CDH7: variants seen among roughly 807,000 people sequenced by gnomAD.
CDH7 encodes the protein cadherin 7, also known as cadherin-7.
In CDH7, 25 loss-of-function variants were observed where a neutral mutation model predicts 71.8. The observed-to-expected ratio is 0.35, with a 90% CI of 0.25 to 0.49. The LOEUF is 0.49. Among genes scored for constraint, CDH7 ranks in the 20% least tolerant of loss-of-function variants. The probability of loss-of-function intolerance (pLI) is 0.99; values close to 1 mark genes in which losing one functional copy is unlikely to be tolerated. For synonymous variants in CDH7, 381 were observed against 363.8 expected (o/e 1.05, Z -0.54); for missense variants, 862 against 974.6 (o/e 0.88, Z 1.54).
At chr18:65,786,778 G>A (rs1272736148) in intron 2 of CDH7, among the ~76,000 whole-genome samples, 1 of 151,900 alleles carries the variant, frequency 6.6e-6, no homozygotes, top group African/African-American at 2.4e-5. Context: ...CAAATTCCTG[G>A]TCTCAAACAA....
intron 11 of CDH7, among the ~76,000 whole-genome samples, chr18:65,877,244 A>G (rs564836649): frequency 6.6e-6 from 1 of 152,286 alleles, no homozygotes; most frequent in South Asian, 2.1e-4. Flanking sequence ...ACTGCATAAC[A>G]CATTAATATC....
intron 3 of CDH7, 151 bp from the exon 4 acceptor site, chr18:65,814,334 A>G: frequency 1.3e-6 from 1 of 784,274 alleles, no homozygotes; most frequent in Admixed American, 2.2e-5. Flanking sequence ...GTTTACTTAA[A>G]AAAATACTGT....
chr18:65,768,673 C>T (rs931972635), intron 2 of CDH7, among the ~76,000 whole-genome samples: 1 of 152,080 alleles, frequency 6.6e-6, no homozygotes, highest in African/African-American at 2.4e-5. Context: ...TGCAGCCCTC[C>T]GTGACTCACC....
intron 1 of CDH7, among the ~76,000 whole-genome samples, chr18:65,751,497 C>T (rs1341417801): frequency 1.3e-5 from 2 of 152,152 alleles, no homozygotes; most frequent in Admixed American, 6.5e-5. Context: ...CAAAGAGGAC[C>T]ACAAGCAGGC....
intron 2 of CDH7, among the ~76,000 whole-genome samples, chr18:65,780,937 T>TC (rs1378788916): frequency 6.8e-6 from 1 of 146,158 alleles, no homozygotes; most frequent in African/African-American, 2.7e-5. Context: ...TTTTTTTTTT[T>TC]CGGAGAAAAT....
intron 1 of CDH7, among the ~76,000 whole-genome samples, chr18:65,762,146 T>A (rs1916208860): frequency 6.6e-6 from 1 of 152,210 alleles, no homozygotes; most frequent in Non-Finnish European, 1.5e-5. Flanking sequence ...CAGTTTTGCA[T>A]CACCTCATAC....
chr18:65,816,403 A>G (rs1377756952), intron 4 of CDH7, among the ~76,000 whole-genome samples: 2 of 152,168 alleles, frequency 1.3e-5, no homozygotes, highest in African/African-American at 4.8e-5. Context: ...ATCAAGGTTC[A>G]GTTAGTCTTG....
At chr18:65,840,637 T>TTCAC (rs1912697197) in intron 6 of CDH7, among the ~76,000 whole-genome samples, 1 of 152,092 alleles carries the variant, frequency 6.6e-6, no homozygotes, top group Admixed American at 6.6e-5. Flanking sequence ...AAGGGGGAGT[T>TTCAC]TCACTGCACA....
intron 2 of CDH7, among the ~76,000 whole-genome samples, chr18:65,804,124 A>G (rs1230545090): frequency 6.6e-6 from 1 of 152,102 alleles, no homozygotes; most frequent in African/African-American, 2.4e-5. Flanking sequence ...CTTTCATAAA[A>G]TTTCACCTTA....
intron 11 of CDH7, among the ~76,000 whole-genome samples, chr18:65,870,468 G>A (rs1015632518): frequency 4.6e-5 from 7 of 151,750 alleles, no homozygotes; most frequent in African/African-American, 9.7e-5. Flanking sequence ...ATTATTTTAC[G>A]TCTCTGCTTG....
At chr18:65,754,691 C>T (rs978574284) in intron 1 of CDH7, among the ~76,000 whole-genome samples, 1 of 152,100 alleles carries the variant, frequency 6.6e-6, no homozygotes, top group African/African-American at 2.4e-5. Flanking sequence ...ATGTCACCAA[C>T]CAAAAGGGTA....
intron 7 of CDH7, among the ~76,000 whole-genome samples, chr18:65,854,156 A>G (rs1913263221): frequency 1.3e-5 from 2 of 151,224 alleles, no homozygotes; most frequent in South Asian, 4.2e-4. Flanking sequence ...AAATACAAAA[A>G]TTAGCTTGGC....
At chr18:65,790,099 G>A (rs1387879464) in intron 2 of CDH7, among the ~76,000 whole-genome samples, 1 of 151,574 alleles carries the variant, frequency 6.6e-6, no homozygotes, top group African/African-American at 2.4e-5. Context: ...GCATGGTAGT[G>A]GGCGCCTGTA....
chr18:65,802,837 A>G (rs941673808), intron 2 of CDH7, among the ~76,000 whole-genome samples: 2 of 152,182 alleles, frequency 1.3e-5, no homozygotes, highest in Admixed American at 1.3e-4. Flanking sequence ...TGTGTGGAAT[A>G]AAGAATGCTT....
rs1555692661 is a variant in CDH7, at chr18:65,885,372, G to GTTTTTTTTCTTTTCTT, written c.*4486_*4487insCTTTTCTTTTTTTTTT. 1 of 69,436 alleles carries GTTTTTTTTCTTTTCTT rather than the reference G, an allele frequency of 1.4e-5. No homozygotes were observed. Among genetic ancestry groups the GTTTTTTTTCTTTTCTT allele is most frequent in the Non-Finnish European group, 2.7e-5 (1 of 37,390 alleles). 4.3% of individuals were successfully genotyped at this position (69,436 alleles called of 1,614,324 possible). On this transcript the variant is annotated 3_prime_UTR_variant, in exon 12 of 12. Coordinates refer to ENST00000397968, the MANE Select transcript of CDH7 (RefSeq NM_004361.5). ...GTAACTGAAAAGGATGTGTGCCTGTGTTTTTTTTTTTTTTTTTTTTTTTGA... is the reference window on the plus strand; with the variant it reads ...GTAACTGAAAAGGATGTGTGCCTGTGTTTTTTTTCTTTTCTTTTTTTTTTTTTTTTTTTTTTTTTGA...
intron 1 of CDH7, among the ~76,000 whole-genome samples, chr18:65,758,261 C>T (rs1568169505): frequency 2.0e-5 from 3 of 152,152 alleles, no homozygotes; most frequent in Admixed American, 2.0e-4. Flanking sequence ...TTATTTCTTT[C>T]ATGATACCCA....
intron 11 of CDH7, among the ~76,000 whole-genome samples, chr18:65,867,518 T>C (rs1369862619): frequency 6.6e-6 from 1 of 152,190 alleles, no homozygotes; most frequent in Admixed American, 6.5e-5. Flanking sequence ...ATTTATTCAG[T>C]AGATTTTTTT....
At chr18:65,839,459 A>T (rs1397973588) in intron 6 of CDH7, among the ~76,000 whole-genome samples, 1 of 152,096 alleles carries the variant, frequency 6.6e-6, no homozygotes, top group Non-Finnish European at 1.5e-5. Flanking sequence ...AGCTAATTAA[A>T]TCCCACAGGT....
At chr18:65,862,567 T>C in intron 10 of CDH7, 99 bp from the exon 11 acceptor site, 2 of 1,200,118 alleles carry the variant, frequency 1.7e-6, no homozygotes, top group Non-Finnish European at 2.4e-6. Flanking sequence ...GAGATTTCCC[T>C]AATTAAGGCA....
Sources: gnomAD v4.1 joint callset for allele counts (sites outside exome capture counted in the v4.1 genomes callset) on GRCh38, gnomAD v4.1.1 for gene constraint, MANE v1.5 for transcripts, NCBI Gene and HGNC (gene_info 2026-07-23, HGNC 2026-07-21) for gene names.